PLCB4: variants seen among roughly 807,000 people sequenced by gnomAD.
The protein encoded by PLCB4 is 1-phosphatidylinositol 4,5-bisphosphate phosphodiesterase beta-4.
A neutral mutation model predicts 178.8 loss-of-function variants in PLCB4; 77 were observed. The ratio of observed to expected loss-of-function variants is 0.43; its 90% CI spans 0.36 to 0.52. The LOEUF is 0.52. PLCB4 is among the 20% of genes least tolerant of loss of function. PLCB4 has a pLI of 0.00. For synonymous variants in PLCB4, 496 were observed against 490.8 expected, an observed-to-expected ratio of 1.01 and a Z score of -0.14; for missense variants, 1,024 against 1,453.4, an observed-to-expected ratio of 0.70 and a Z score of 4.80.
intron 3 of PLCB4, among the ~76,000 whole-genome samples, chr20:9,242,640 G>T (rs1264535703): frequency 6.6e-6 from 1 of 152,206 alleles, no homozygotes; most frequent in East Asian, 1.9e-4. Context: ...CCTTCTCTTG[G>T]CTTAGGCTGT....
intron 3 of PLCB4, among the ~76,000 whole-genome samples, chr20:9,292,939 T>C (rs2094593416): frequency 6.6e-6 from 1 of 151,944 alleles, no homozygotes; most frequent in Non-Finnish European, 1.5e-5. Flanking sequence ...ATTATCCGAG[T>C]GTGGTGGTAC....
At chr20:9,327,062 G>A (rs1355623085) in intron 4 of PLCB4, among the ~76,000 whole-genome samples, 1 of 152,084 alleles carries the variant, frequency 6.6e-6, no homozygotes, top group Non-Finnish European at 1.5e-5. Context: ...GGATGGTGGT[G>A]TTTACCTCAT....
At chr20:9,297,076 T>C (rs2094645593) in intron 3 of PLCB4, among the ~76,000 whole-genome samples, 1 of 152,050 alleles carries the variant, frequency 6.6e-6, no homozygotes, top group African/African-American at 2.4e-5. Context: ...AAACAAATTC[T>C]ACTAAAATAG....
In PLCB4 at chr20:9,408,555, T is replaced by C. The variant is rs924891878; in HGVS notation, c.1790-78T>C. 7.1e-6 allele frequency: 5 copies of C among 705,396 alleles called. No individual in the cohort carries two copies. In the Admixed American group the frequency reaches 8.1e-5, roughly 11 times the overall value. 43.7% of individuals were successfully genotyped at this position (705,396 alleles called of 1,614,324 possible). ...CAAGGCCTCATGATTCAGGGTGTAA[T>C]TGCATTTATTTATTGCTGTTTTTCG... On this transcript the variant is annotated intron_variant, in intron 22 of 39. Transcript: ENST00000378473.
At chr20:9,169,514 G>A (rs555183395) in intron 2 of PLCB4, among the ~76,000 whole-genome samples, 14 of 151,722 alleles carry the variant, frequency 9.2e-5, no homozygotes, top group Non-Finnish European at 1.8e-4. Flanking sequence ...CGCTTGAAAC[G>A]GGAGGCAGAG....
chr20:9,307,975 A>G (rs1336878899), intron 4 of PLCB4, 77 bp downstream of exon 4: 6 of 605,890 alleles, frequency 9.9e-6, no homozygotes, highest in African/African-American at 5.6e-5. Context: ...TTGAGTAAAT[A>G]TTCTTTGACA....
At chr20:9,192,755 C>T (rs2093421854) in intron 2 of PLCB4, among the ~76,000 whole-genome samples, 1 of 151,196 alleles carries the variant, frequency 6.6e-6, no homozygotes, top group Non-Finnish European at 1.5e-5. Flanking sequence ...GTTGAGGCTA[C>T]AGTGAACTGC....
intron 1 of PLCB4, among the ~76,000 whole-genome samples, chr20:9,082,414 G>A (rs964121247): frequency 7.9e-5 from 12 of 152,168 alleles, no homozygotes; most frequent in Non-Finnish European, 1.8e-4. Context: ...CTTGTGAAAA[G>A]AGTGTCTTTG....
In PLCB4 at chr20:9,189,978, G is replaced by A. The variant is rs146753532; in HGVS notation, c.-78-27412G>A. ...AGAGCACACCTTCTCCCCCACCCCCGAGGTGTGACAACTAACAGTGTCTCC... is the reference window on the plus strand; with the variant it reads ...AGAGCACACCTTCTCCCCCACCCCCAAGGTGTGACAACTAACAGTGTCTCC... On this transcript the variant is annotated intron_variant, in intron 2 of 39. Coordinates refer to ENST00000378473, the MANE Select transcript of PLCB4 (RefSeq NM_001377142.1). 7.2e-5 allele frequency among the ~76,000 whole-genome samples: 11 copies of A among 152,250 alleles called. No individual in the cohort carries two copies. The East Asian group carries it at 1.9e-3, about 27-fold the overall frequency.
chr20:9,255,610 A>C (rs2094226224), intron 3 of PLCB4, among the ~76,000 whole-genome samples: 1 of 148,460 alleles, frequency 6.7e-6, no homozygotes, highest in Admixed American at 6.9e-5. Context: ...ATCTTTATTT[A>C]TCCCACTTAG....
intron 2 of PLCB4, among the ~76,000 whole-genome samples, chr20:9,149,975 C>T (rs1337413095): frequency 6.6e-6 from 1 of 152,122 alleles, no homozygotes; most frequent in Non-Finnish European, 1.5e-5. Flanking sequence ...CTGATGTTGA[C>T]CATTGGAGGC....
intron 32 of PLCB4, among the ~76,000 whole-genome samples, chr20:9,452,124 C>G (rs373829572): frequency 7.2e-5 from 11 of 152,282 alleles, no homozygotes; most frequent in Non-Finnish European, 1.5e-4. Context: ...AATGCTGAGG[C>G]CTTGTGCATG....
chr20:9,131,336 A>G (rs2092267921), intron 2 of PLCB4, among the ~76,000 whole-genome samples: 2 of 151,770 alleles, frequency 1.3e-5, no homozygotes, highest in Admixed American at 1.3e-4. Flanking sequence ...TCTGAAACAA[A>G]ATATTAAGCT....
chr20:9,380,300 T>C (rs868063984), intron 13 of PLCB4, 138 bp downstream of exon 13: 2 of 530,596 alleles, frequency 3.8e-6, no homozygotes, highest in Non-Finnish European at 6.8e-6. Context: ...TTTTTCCTGC[T>C]CTTAAGTTCG....
At chr20:9,290,512 T>C (rs1308865709) in intron 3 of PLCB4, among the ~76,000 whole-genome samples, 1 of 152,172 alleles carries the variant, frequency 6.6e-6, no homozygotes, top group Non-Finnish European at 1.5e-5. Flanking sequence ...GAAGCAAACA[T>C]GTTTTAAAAT....
At chr20:9,095,649 G>T (rs1361007383) in intron 1 of PLCB4, among the ~76,000 whole-genome samples, 1 of 152,138 alleles carries the variant, frequency 6.6e-6, no homozygotes, top group African/African-American at 2.4e-5. Context: ...GTAGGTTTCT[G>T]TGTCAATTGT....
chr20:9,428,360 G>A (rs569163684), intron 28 of PLCB4, among the ~76,000 whole-genome samples: 7 of 152,294 alleles, frequency 4.6e-5, no homozygotes, highest in Admixed American at 4.6e-4. Context: ...GCTCTGGAGG[G>A]GAAGGGGGCA....
chr20:9,465,634 C>A (rs962794042), intron 35 of PLCB4, among the ~76,000 whole-genome samples: 2 of 152,202 alleles, frequency 1.3e-5, no homozygotes, highest in African/African-American at 4.8e-5. Flanking sequence ...TTCCTATACA[C>A]CAATGACAGA....
intron 2 of PLCB4, among the ~76,000 whole-genome samples, chr20:9,145,302 A>G (rs945653004): frequency 6.6e-6 from 1 of 152,086 alleles, no homozygotes; most frequent in African/African-American, 2.4e-5. Flanking sequence ...ACTCTCAACA[A>G]ATGAGTTAAA....
Sources: gnomAD v4.1 joint callset for allele counts (sites outside exome capture counted in the v4.1 genomes callset) on GRCh38, gnomAD v4.1.1 for gene constraint, MANE v1.5 for transcripts, NCBI Gene and HGNC (gene_info 2026-07-23, HGNC 2026-07-21) for gene names.